The following SCLT1 variants were observed in gnomAD, a reference collection of about 807,000 sequenced individuals.
SCLT1 encodes sodium channel-associated protein 1.
SCLT1 carries 78 observed loss-of-function variants against 112.8 expected under a neutral mutation model. The observed-to-expected ratio is 0.69, with a 90% CI of 0.58 to 0.83. SCLT1 has a LOEUF of 0.83. Ranked by LOEUF, SCLT1 falls within the 40% of genes least tolerant of loss-of-function variation. The pLI, the probability that SCLT1 is intolerant of heterozygous loss-of-function variation, is 0.00. For missense variants in SCLT1, 747 were observed against 770.4 expected (o/e 0.97, Z 0.36); for synonymous variants, 257 against 254.7 (o/e 1.01, Z -0.09).
At chr4:129,047,493 C>A (rs979287376) in intron 2 of SCLT1, among the ~76,000 whole-genome samples, 2 of 152,028 alleles carry the variant, frequency 1.3e-5, no homozygotes, top group African/African-American at 4.8e-5. Context: ...TGTCTTAGCT[C>A]TTCTTGTCCC....
In SCLT1 at chr4:129,005,712, C is replaced by T. The variant is rs551485102; in HGVS notation, c.291-1836G>A. ...AATCATGCTGCTATAAAGACACATGCACACGTATGTTTATTGCGGCATTAT... is the reference window on the plus strand; with the variant it reads ...AATCATGCTGCTATAAAGACACATGTACACGTATGTTTATTGCGGCATTAT... On this transcript the variant is annotated intron_variant, in intron 5 of 20. Coordinates refer to ENST00000281142, the MANE Select transcript of SCLT1 (RefSeq NM_144643.4). 7.2e-5 allele frequency among the ~76,000 whole-genome samples: 11 copies of T among 151,796 alleles called. No individual in the cohort carries two copies. The East Asian group carries it at 1.9e-3, about 27-fold the overall frequency.
chr4:129,029,233 T>C (rs541142123), intron 5 of SCLT1, among the ~76,000 whole-genome samples: 3 of 152,176 alleles, frequency 2.0e-5, no homozygotes, highest in South Asian at 2.1e-4. Context: ...CACATGTATG[T>C]TTATTGCGGC....
intron 8 of SCLT1, among the ~76,000 whole-genome samples, chr4:128,996,514 A>G (rs1445076264): frequency 1.3e-5 from 2 of 152,108 alleles, no homozygotes; most frequent in South Asian, 2.1e-4. Context: ...ACTTGCCCCC[A>G]TAACTATGTT....
Position 129,006,599 on chromosome 4 carries a change from T to A in SCLT1, c.291-2723A>T, listed in dbSNP as rs79243414. 3.7e-3 allele frequency among the ~76,000 whole-genome samples: 565 copies of A among 152,196 alleles called. 1 individual carries two copies. The highest frequency in any genetic ancestry group is 0.011 in the African/African-American group (468 of 41,530). Reference sequence around the variant, plus strand: ...ATCGTAATTGTCCCCCATTGATTATTAAGATAATTTTGTACAGTTTCAGCT... The same window carrying A: ...ATCGTAATTGTCCCCCATTGATTATAAAGATAATTTTGTACAGTTTCAGCT... On this transcript the variant is annotated intron_variant, in intron 5 of 20. Transcript: ENST00000281142.
At chr4:129,085,972 T>C (rs545693291) in intron 1 of SCLT1, among the ~76,000 whole-genome samples, 3 of 152,202 alleles carry the variant, frequency 2.0e-5, no homozygotes, top group East Asian at 1.9e-4. Context: ...AGTTTACCTA[T>C]ATAACAAACC....
At chr4:128,921,250 C>A (rs1194443675) in intron 18 of SCLT1, among the ~76,000 whole-genome samples, 1 of 152,106 alleles carries the variant, frequency 6.6e-6, no homozygotes, top group Non-Finnish European at 1.5e-5. Flanking sequence ...AGATTCAGTG[C>A]TATTCCTATC....
At chr4:129,074,971 G>A (rs939732618) in intron 2 of SCLT1, among the ~76,000 whole-genome samples, 2 of 152,118 alleles carry the variant, frequency 1.3e-5, no homozygotes, top group African/African-American at 2.4e-5. Flanking sequence ...AAAATGCTGA[G>A]TTCACAGGCA....
chr4:129,012,990 TTTTTAAC>T (rs766928222), intron 5 of SCLT1, among the ~76,000 whole-genome samples: 2 of 152,246 alleles, frequency 1.3e-5, no homozygotes, highest in East Asian at 3.9e-4. Context: ...CTTTTTTTGC[TTTTTAAC>T]TTTTATTTTA....
chr4:128,967,867 T>A (rs1579539607), intron 10 of SCLT1, among the ~76,000 whole-genome samples: 1 of 152,210 alleles, frequency 6.6e-6, no homozygotes, highest in African/African-American at 2.4e-5. Context: ...GTCCCACTTG[T>A]CAATTTTTGC....
At chr4:128,987,052 G>T (rs1365951679) in intron 9 of SCLT1, among the ~76,000 whole-genome samples, 1 of 152,124 alleles carries the variant, frequency 6.6e-6, no homozygotes, top group African/African-American at 2.4e-5. Flanking sequence ...TATGTAGGAG[G>T]ATCTAAGAGC....
At chr4:128,924,403 G>T (rs1045139421) in intron 18 of SCLT1, among the ~76,000 whole-genome samples, 20 of 151,968 alleles carry the variant, frequency 1.3e-4, no homozygotes, top group Non-Finnish European at 2.1e-4. Context: ...TGAGTAGCTG[G>T]GATTACAAGT....
At chr4:129,063,952 A>G (rs1027204045) in intron 2 of SCLT1, among the ~76,000 whole-genome samples, 5 of 152,178 alleles carry the variant, frequency 3.3e-5, no homozygotes, top group African/African-American at 1.2e-4. Context: ...GAGCTGTGCC[A>G]TCTTGGGGCA....
At chr4:128,958,090 A>G (rs1739364102) in intron 12 of SCLT1, among the ~76,000 whole-genome samples, 2 of 151,964 alleles carry the variant, frequency 1.3e-5, no homozygotes, top group Admixed American at 6.6e-5. Context: ...TCTAACACAA[A>G]CCTTTTTCTG....
At chr4:128,929,474 C>T (rs573103885) in intron 18 of SCLT1, among the ~76,000 whole-genome samples, 5 of 152,130 alleles carry the variant, frequency 3.3e-5, no homozygotes, top group Non-Finnish European at 5.9e-5. Context: ...AATATGAATA[C>T]AGAAATGCCA....
intron 11 of SCLT1, 152 bp downstream of exon 11, chr4:128,965,075 C>A (rs1195785861): frequency 5.7e-6 from 3 of 527,862 alleles, no homozygotes; most frequent in Admixed American, 7.2e-5. Context: ...TTTTAATAAA[C>A]AATGTCGATT....
At chr4:128,972,917 G>A (rs1299974245) in intron 9 of SCLT1, among the ~76,000 whole-genome samples, 3 of 151,960 alleles carry the variant, frequency 2.0e-5, no homozygotes, top group Admixed American at 6.6e-5. Flanking sequence ...CTACATATAA[G>A]TCTACACTCC....
intron 2 of SCLT1, among the ~76,000 whole-genome samples, chr4:129,051,325 C>T (rs188542526): frequency 7.4e-4 from 113 of 152,268 alleles, no homozygotes; most frequent in African/African-American, 2.6e-3. Flanking sequence ...ACAGCATGGC[C>T]ATTTTCACAA....
chr4:128,876,020 T>G (rs779015305), intron 4 of SCLT1, among the ~76,000 whole-genome samples: 4 of 152,142 alleles, frequency 2.6e-5, no homozygotes, highest in Non-Finnish European at 1.5e-5. Flanking sequence ...CTGAAAAGAT[T>G]GTTTCCTGCC....
At chr4:128,917,724 C>T (rs318549) in intron 18 of SCLT1, among the ~76,000 whole-genome samples, 110,539 of 152,044 alleles carry the variant, frequency 0.73, 40,493 homozygotes, top group African/African-American at 0.82. Context: ...TCCAAGACAA[C>T]TTCTGAATGA....
Sources: allele counts gnomAD v4.1 joint callset (sites outside exome capture counted in the v4.1 genomes callset), GRCh38; gene constraint gnomAD v4.1.1; transcripts MANE v1.5; gene names NCBI Gene and HGNC (gene_info 2026-07-23, HGNC 2026-07-21).